The following KDM1B variants were observed in gnomAD, a reference collection of about 807,000 sequenced individuals.
The protein encoded by KDM1B is lysine demethylase 1B.
KDM1B carries 63 observed loss-of-function variants against 107.4 expected under a neutral mutation model. The ratio of observed to expected loss-of-function variants is 0.59; its 90% CI spans 0.48 to 0.72. The LOEUF is 0.72. KDM1B is among the 30% of genes least tolerant of loss of function. KDM1B has a pLI of 0.00. For missense variants in KDM1B, 749 were observed against 1,020.8 expected, an observed-to-expected ratio of 0.73 and a Z score of 3.63; for synonymous variants, 363 against 363.9, an observed-to-expected ratio of 1.00 and a Z score of 0.03.
In KDM1B at chr6:18,185,758, G is replaced by C; in HGVS notation, c.535-14G>C. 1 of 1,612,794 alleles carries C rather than the reference G, an allele frequency of 6.2e-7. No individual in the cohort carries two copies. Among genetic ancestry groups the C allele is most frequent in the Non-Finnish European group, 8.5e-7 (1 of 1,178,844 alleles). ...ATAAGCAACCCTAATTTAACACTTG[G>C]TTTTCTTTTGTAGCCTGAGACCTCA... On this transcript the variant is annotated splice_polypyrimidine_tract_variant and intron_variant, in intron 7 of 21. Transcript: ENST00000650836.
chr6:18,191,624 G>A lies in KDM1B; in HGVS notation c.969+243G>A, dbSNP rs540687203. On this transcript the variant is annotated intron_variant, in intron 10 of 21. Transcript: ENST00000650836. This position sits in a 1 kb window ranked among gnomAD's most constrained non-coding sequence, Gnocchi z 5.1. ...CTTCCCACCTGTGAAAACCAAATAC[G>A]TCTATAGACATTTCCAAATGGGGAC... Among the ~76,000 whole-genome samples, 94 of 152,182 alleles carry A rather than the reference G, an allele frequency of 6.2e-4. 1 individual carries two copies. The highest frequency in any genetic ancestry group is 2.2e-3 in the African/African-American group (92 of 41,506).
rs1052443850 is a variant in KDM1B, at chr6:18,162,525, T to G, written c.216-310T>G. The stretch of plus-strand genomic sequence containing the variant: ...CACGTTATTCTCTCATGTCCACATA[T>G]GCAGCCTGCAGCAAGCACAGTGGCA... On this transcript the variant is annotated intron_variant, in intron 4 of 21. Transcript: ENST00000650836. The surrounding 1 kb of genome is among the most constrained non-coding windows in gnomAD (Gnocchi z 4.1). Among the ~76,000 whole-genome samples the G allele has an allele frequency of 6.6e-5, 10 of 152,134 alleles. No individual in the cohort carries two copies. Among genetic ancestry groups the G allele is most frequent in the Non-Finnish European group, 1.5e-5 (1 of 68,038 alleles).
intron 7 of KDM1B, among the ~76,000 whole-genome samples, chr6:18,176,851 GTTAGCTAGTATTTTGTTAAGCATCTACA>G (rs1756213706): frequency 1.3e-5 from 2 of 152,138 alleles, no homozygotes; most frequent in Non-Finnish European, 2.9e-5. Context: ...GTTGGATTCA[GTTAGCTAGTATTTTGTTAAGCATCTACA>G]TTAGCTAGTA....
chr6:18,173,360 G>GT (rs1352000776), intron 7 of KDM1B, among the ~76,000 whole-genome samples: 1 of 151,852 alleles, frequency 6.6e-6, no homozygotes, highest in African/African-American at 2.4e-5. Flanking sequence ...GTCTGATCAA[G>GT]TTTTTTTTAA....
intron 9 of KDM1B, among the ~76,000 whole-genome samples, chr6:18,190,470 C>T (rs1179570456): frequency 4.0e-5 from 6 of 150,950 alleles, no homozygotes; most frequent in South Asian, 4.2e-4. Context: ...GGCATGGTGG[C>T]GGGCGCCTGT....
At chr6:18,217,051 C>T (rs1482458925) in intron 20 of KDM1B, among the ~76,000 whole-genome samples, 1 of 152,054 alleles carries the variant, frequency 6.6e-6, no homozygotes, top group East Asian at 1.9e-4. Context: ...TCCTGAGACT[C>T]CATCCTTCCC....
Position 18,213,516 on chromosome 6 carries a change from G to A in KDM1B, c.1984-140G>A. On this transcript the variant is annotated intron_variant, in intron 18 of 21. Coordinates refer to ENST00000650836, the MANE Select transcript of KDM1B (RefSeq NM_001364614.2). The surrounding 1 kb of genome is among the most constrained non-coding windows in gnomAD (Gnocchi z 5.9). The stretch of plus-strand genomic sequence containing the variant: ...ACAGGGGGAAAAAAGGAGGTGAGGA[G>A]AATGGAAAGAGCGGTATTTGGGGTT... The A allele has an allele frequency of 1.3e-6, 1 of 758,300 alleles. No homozygotes were observed. Among genetic ancestry groups the A allele is most frequent in the Non-Finnish European group, 2.2e-6 (1 of 452,096 alleles). 47.0% of individuals were successfully genotyped at this position (758,300 alleles called of 1,614,324 possible).
At chr6:18,179,985 T>C (rs908866864) in intron 7 of KDM1B, among the ~76,000 whole-genome samples, 2 of 148,900 alleles carry the variant, frequency 1.3e-5, no homozygotes, top group Non-Finnish European at 3.0e-5. Flanking sequence ...CACCGTAGTC[T>C]CCTGAGTAGC....
rs1788941913 is a variant in KDM1B, at chr6:18,212,755, C to T, written c.1983+151C>T. On this transcript the variant is annotated intron_variant, in intron 18 of 21. Transcript: ENST00000650836. This position sits in a 1 kb window ranked among gnomAD's most constrained non-coding sequence, Gnocchi z 5.2. The stretch of plus-strand genomic sequence containing the variant: ...TTTGAGTAATTGTTCGTGAAGAACA[C>T]AGAAGAATATTATCAAAACGAAAGG... 3.0e-6 allele frequency: 2 copies of T among 658,958 alleles called. No individual in the cohort carries two copies. The highest frequency in any genetic ancestry group is 5.4e-6 in the Non-Finnish European group (2 of 369,904). 40.8% of individuals were successfully genotyped at this position (658,958 alleles called of 1,614,324 possible). A position where few individuals can be genotyped will look rare whatever the true frequency, so the allele number is the denominator to read the frequency against.
chr6:18,217,867 C>G lies in KDM1B; in HGVS notation c.2367C>G (p.Thr789=). ...YDIIAEDIQG[T]VFFAGEATNR... Reference sequence around the variant, plus strand: ...TCATTGCTGAAGACATTCAAGGAACCGTCTTTTTCGCTGGTGAGGTATGGA... The same window carrying G: ...TCATTGCTGAAGACATTCAAGGAACGGTCTTTTTCGCTGGTGAGGTATGGA... Residue 789 remains threonine (T), a synonymous_variant, in exon 21 of 22, where the codon ACC becomes ACG. Transcript: ENST00000650836. The G allele has an allele frequency of 6.2e-7, 1 of 1,611,830 alleles. No homozygotes were observed. Among genetic ancestry groups the G allele is most frequent in the Non-Finnish European group, 8.5e-7 (1 of 1,179,438 alleles).
At position 18,197,617 on chromosome 6, in the gene KDM1B, G is replaced by A; in HGVS notation, c.1177G>A (p.Ala393Thr). 2 of 1,614,064 alleles carry A rather than the reference G, an allele frequency of 1.2e-6. No individual in the cohort carries two copies. The highest frequency in any genetic ancestry group is 1.7e-6 in the Non-Finnish European group (2 of 1,179,954). ...AGTCATCATTATCGGGGCTGGTCCAGCAGGATTAGCAGCTGCTAGGCAACT... is the reference window on the plus strand; with the variant it reads ...AGTCATCATTATCGGGGCTGGTCCAACAGGATTAGCAGCTGCTAGGCAACT... ...KSVIIIGAGP[A>T]GLAAARQLHN... is the part of the protein sequence containing the mutation. The change falls in exon 12 of 22, where the codon GCA becomes ACA. Residue 393 changes from alanine (A) to threonine (T), a missense_variant. Physicochemically the swap from Ala to Thr is moderately conservative, Grantham distance 58. Transcript: ENST00000650836. The surrounding 1 kb of genome is among the most constrained non-coding windows in gnomAD (Gnocchi z 4.5).
At chr6:18,173,064 TG>T (rs1785760467) in intron 7 of KDM1B, among the ~76,000 whole-genome samples, 1 of 145,464 alleles carries the variant, frequency 6.9e-6, no homozygotes, top group African/African-American at 2.6e-5. Flanking sequence ...CACTCCAGCC[TG>T]GGCAACAAGA....
rs368563121 is a variant in KDM1B at position 18,159,187 on chromosome 6, C to G, written c.-13-696C>G. ...TTCACAATGTTGGTCAGACTGGTCT[C>G]GAACTCCTGACCTCATGATCCGCCT... On this transcript the variant is annotated intron_variant, in intron 2 of 21. Transcript: ENST00000650836. This position sits in a 1 kb window ranked among gnomAD's most constrained non-coding sequence, Gnocchi z 4.5. Among the ~76,000 whole-genome samples, 1 of 152,112 alleles carries G rather than the reference C, an allele frequency of 6.6e-6. No individual in the cohort carries two copies. Among genetic ancestry groups the G allele is most frequent in the African/African-American group, 2.4e-5 (1 of 41,432 alleles).
chr6:18,206,321 T>C (rs1265411481), intron 15 of KDM1B, among the ~76,000 whole-genome samples: 2 of 151,274 alleles, frequency 1.3e-5, no homozygotes, highest in African/African-American at 4.9e-5. Context: ...TTCAAGACCA[T>C]CCTGGGCAAC....
At chr6:18,161,511 G>T in intron 4 of KDM1B, 57 bp downstream of exon 4, 1 of 1,586,274 alleles carries the variant, frequency 6.3e-7, no homozygotes, top group Non-Finnish European at 8.6e-7. Context: ...GTTCTTTGTG[G>T]AAACATCATC....
chr6:18,179,446 G>A (rs1344958553), intron 7 of KDM1B, among the ~76,000 whole-genome samples: 1 of 152,024 alleles, frequency 6.6e-6, no homozygotes, highest in African/African-American at 2.4e-5. Flanking sequence ...TTGTTGTATA[G>A]GTTTGATATT....
At position 18,205,510 on chromosome 6, in the gene KDM1B, T is replaced by G; in HGVS notation, c.1532-27T>G. The G allele has an allele frequency of 1.3e-6, 2 of 1,540,658 alleles. No individual in the cohort carries two copies. Among genetic ancestry groups the G allele is most frequent in the African/African-American group, 2.8e-5 (2 of 72,332 alleles). ...GGAGAATCTTGTTAAAGCTATTTTTTTCTGCTTTGATCCATTCCCATTACA... is the reference window on the plus strand; with the variant it reads ...GGAGAATCTTGTTAAAGCTATTTTTGTCTGCTTTGATCCATTCCCATTACA... On this transcript the variant is annotated intron_variant, in intron 14 of 21. Transcript: ENST00000650836. This position sits in a 1 kb window ranked among gnomAD's most constrained non-coding sequence, Gnocchi z 5.7.
At chr6:18,185,723 A>G in intron 7 of KDM1B, 49 bp from the exon 8 acceptor site, 1 of 1,514,134 alleles carries the variant, frequency 6.6e-7, no homozygotes, top group Middle Eastern at 1.7e-4. Context: ...GATACCTGAG[A>G]CTATATTTTA....
chr6:18,200,416 T>C lies in KDM1B; in HGVS notation c.1222-23T>C, dbSNP rs2150973603. Reference sequence around the variant, plus strand: ...TATAACTCTTGTGTCCTATTTAGCTTCCCTGACTGTCTGTCTTTTTAGGTG... The same window carrying C: ...TATAACTCTTGTGTCCTATTTAGCTCCCCTGACTGTCTGTCTTTTTAGGTG... On this transcript the variant is annotated intron_variant, in intron 12 of 21. Coordinates refer to ENST00000650836, the MANE Select transcript of KDM1B (RefSeq NM_001364614.2). This position sits in a 1 kb window ranked among gnomAD's most constrained non-coding sequence, Gnocchi z 4.3. The C allele has an allele frequency of 6.2e-7, 1 of 1,611,674 alleles. No homozygotes were observed.
Sources: allele counts gnomAD v4.1 joint callset (sites outside exome capture counted in the v4.1 genomes callset), GRCh38; gene constraint gnomAD v4.1.1; non-coding constraint Gnocchi (gnomAD v3.1); transcripts MANE v1.5; gene names NCBI Gene and HGNC (gene_info 2026-07-23, HGNC 2026-07-21).